The following RAB38 variants were observed in gnomAD, a reference collection of about 807,000 sequenced individuals.
RAB38 encodes the protein RAB38, member RAS oncogene family.
A neutral mutation model predicts 18.4 loss-of-function variants in RAB38; 15 were observed. That is an observed-to-expected ratio of 0.82 (90% CI 0.55 to 1.26). RAB38 has a LOEUF of 1.26. Among genes scored for constraint, RAB38 ranks in the 50% most tolerant of loss-of-function variants. The probability of loss-of-function intolerance (pLI) is 0.00; values close to 1 mark genes in which losing one functional copy is unlikely to be tolerated. For missense variants in RAB38, 294 were observed against 267.4 expected, an observed-to-expected ratio of 1.10 and a Z score of -0.69; for synonymous variants, 101 against 104.4, an observed-to-expected ratio of 0.97 and a Z score of 0.20.
chr11:87,951,359 G>GTAGTT, the RAB38 span, among the ~76,000 whole-genome samples: 1 of 152,086 alleles, frequency 6.6e-6, no homozygotes, highest in South Asian at 2.1e-4. Context: ...GTAGCTCGGA[G>GTAGTT]TAGTTTGATC....
the RAB38 span, among the ~76,000 whole-genome samples, chr11:87,937,006 T>C: frequency 6.6e-6 from 1 of 152,114 alleles, no homozygotes; most frequent in Non-Finnish European, 1.5e-5. Flanking sequence ...TTTAGCAACA[T>C]GTTGAATAAG....
chr11:88,168,930 C>T (rs182476929), intron 1 of RAB38, among the ~76,000 whole-genome samples: 271 of 152,288 alleles, frequency 1.8e-3, no homozygotes, highest in Admixed American at 3.2e-3. Flanking sequence ...TTATTCTCAT[C>T]CCCTCCATTG....
the RAB38 span, among the ~76,000 whole-genome samples, chr11:87,805,665 A>G: frequency 2.0e-5 from 3 of 152,010 alleles, no homozygotes. Context: ...ATGTATGTGT[A>G]TATATACATG....
chr11:88,053,433 A>AAT, the RAB38 span, among the ~76,000 whole-genome samples: 5 of 123,790 alleles, frequency 4.0e-5, no homozygotes, highest in East Asian at 2.1e-4. Context: ...ATATATATGG[A>AAT]ATATATATAT....
the RAB38 span, among the ~76,000 whole-genome samples, chr11:87,926,278 C>T: frequency 6.6e-6 from 1 of 151,996 alleles, no homozygotes; most frequent in South Asian, 2.1e-4. Flanking sequence ...ATGTTCCTGA[C>T]TGAATTTCAG....
chr11:87,853,663 T>C, the RAB38 span, among the ~76,000 whole-genome samples: 1 of 152,178 alleles, frequency 6.6e-6, no homozygotes, highest in African/African-American at 2.4e-5. Context: ...TAGTGGAAGA[T>C]TGGGCTAAAG....
In RAB38 at chr11:88,149,921, A is replaced by G; in HGVS notation, c.237T>C (p.Tyr79=). 6.2e-7 allele frequency: 1 copy of G among 1,613,964 alleles called. No homozygotes were observed. The highest frequency in any genetic ancestry group is 1.1e-5 in the South Asian group (1 of 91,050). ...TAAATGCACCCATAGCTTCTCGGTA[A>G]TAGACCCTCGTCATGTTTCCAAATC... ...QERFGNMTRV[Y]YREAMGAFIV... Residue 79 remains tyrosine, a synonymous_variant, in exon 2 of 3, where the codon TAT becomes TAC. Coordinates refer to ENST00000243662, the MANE Select transcript of RAB38 (RefSeq NM_022337.3).
At chr11:87,976,709 T>C in the RAB38 span, among the ~76,000 whole-genome samples, 1 of 121,526 alleles carries the variant, frequency 8.2e-6, no homozygotes, top group Non-Finnish European at 1.6e-5. Context: ...TTTTTACATA[T>C]TTATATTTCT....
the RAB38 span, among the ~76,000 whole-genome samples, chr11:87,961,863 A>AT: frequency 2.0e-5 from 3 of 152,062 alleles, no homozygotes; most frequent in Non-Finnish European, 2.9e-5. Context: ...TTATGCCTTG[A>AT]TTTTTTTCCA....
the RAB38 span, among the ~76,000 whole-genome samples, chr11:88,040,825 A>T: frequency 1.3e-5 from 2 of 152,154 alleles, no homozygotes; most frequent in African/African-American, 4.8e-5. Context: ...GAGATGATAA[A>T]ACTCAGCCTA....
the RAB38 span, among the ~76,000 whole-genome samples, chr11:88,026,672 C>G: frequency 6.6e-6 from 1 of 151,900 alleles, no homozygotes; most frequent in Admixed American, 6.6e-5. Flanking sequence ...GCCACTGCAC[C>G]CGGCCGTTTT....
chr11:88,150,110 T>C (rs539244048), intron 1 of RAB38, among the ~76,000 whole-genome samples, 155 bp from the exon 2 acceptor site: 1 of 152,362 alleles, frequency 6.6e-6, no homozygotes, highest in South Asian at 2.1e-4. Context: ...TGCAATCATG[T>C]AGCTTGTTCT....
the RAB38 span, among the ~76,000 whole-genome samples, chr11:88,025,866 C>G: frequency 6.6e-6 from 1 of 152,102 alleles, no homozygotes; most frequent in Non-Finnish European, 1.5e-5. Context: ...TGTGGAAGCT[C>G]TTTCATTTAA....
the RAB38 span, among the ~76,000 whole-genome samples, chr11:87,818,958 A>G: frequency 6.6e-5 from 10 of 152,170 alleles, no homozygotes; most frequent in African/African-American, 9.7e-5. Context: ...AAGCCTTCAT[A>G]TTTTTCAAGA....
At chr11:87,883,650 T>C in the RAB38 span, among the ~76,000 whole-genome samples, 14 of 151,924 alleles carry the variant, frequency 9.2e-5, no homozygotes, top group African/African-American at 3.1e-4. Flanking sequence ...CTGGATTTTC[T>C]AGGTGTGCCC....
At chr11:88,061,091 A>G in the RAB38 span, among the ~76,000 whole-genome samples, 1 of 152,246 alleles carries the variant, frequency 6.6e-6, no homozygotes, top group Non-Finnish European at 1.5e-5. Context: ...CTACAATGAT[A>G]TGATGAAAAT....
At chr11:88,089,620 T>C in the RAB38 span, among the ~76,000 whole-genome samples, 1 of 151,894 alleles carries the variant, frequency 6.6e-6, no homozygotes, top group African/African-American at 2.4e-5. Flanking sequence ...TTTTATGCCA[T>C]GGCACAGCAA....
the RAB38 span, among the ~76,000 whole-genome samples, chr11:88,091,953 G>T: frequency 5.3e-5 from 8 of 151,822 alleles, no homozygotes; most frequent in African/African-American, 1.9e-4. Context: ...TTGAGGGGTA[G>T]GTTATTTAGA....
chr11:87,836,995 T>G, the RAB38 span, among the ~76,000 whole-genome samples: 4 of 152,212 alleles, frequency 2.6e-5, no homozygotes, highest in East Asian at 7.7e-4. Flanking sequence ...TTACTTAGTC[T>G]TATGCTTCAG....
Sources: allele counts gnomAD v4.1 joint callset (sites outside exome capture counted in the v4.1 genomes callset), GRCh38; gene constraint gnomAD v4.1.1; transcripts MANE v1.5; gene names NCBI Gene and HGNC (gene_info 2026-07-23, HGNC 2026-07-21).